Variants in MSRA observed in about 807,000 individuals in gnomAD.
MSRA encodes the protein mitochondrial peptide methionine sulfoxide reductase.
Under a neutral mutation model 31.3 loss-of-function variants are expected in MSRA, and 54 were observed. That is an observed-to-expected ratio of 1.73 (90% CI 1.39 to 2.17). MSRA has a LOEUF of 2.17. MSRA is among the 30% of genes most tolerant of loss of function. The pLI, the probability that MSRA is intolerant of heterozygous loss-of-function variation, is 0.00. For missense variants in MSRA, 507 were observed against 300.9 expected (o/e 1.69, Z -5.07); for synonymous variants, 169 against 116.5 (o/e 1.45, Z -2.90).
intron 5 of MSRA, among the ~76,000 whole-genome samples, chr8:10,415,976 C>A (rs1161145858): frequency 1.3e-5 from 2 of 152,074 alleles, no homozygotes; most frequent in African/African-American, 4.8e-5. Context: ...ATTCACAGTC[C>A]CGTGTGTCCT....
intron 2 of MSRA, 101 bp from the exon 3 acceptor site, chr8:10,245,002 CA>C: frequency 9.4e-7 from 1 of 1,065,062 alleles, no homozygotes; most frequent in Non-Finnish European, 1.3e-6. Context: ...ATGACAGGAG[CA>C]ACTTTTTTTT....
intron 3 of MSRA, among the ~76,000 whole-genome samples, chr8:10,266,981 A>G (rs1310359734): frequency 6.6e-6 from 1 of 152,218 alleles, no homozygotes; most frequent in African/African-American, 2.4e-5. Context: ...ATTAAGGGCA[A>G]TCAGTGTTTT....
At chr8:10,384,084 G>C (rs1237358099) in intron 5 of MSRA, among the ~76,000 whole-genome samples, 3 of 152,244 alleles carry the variant, frequency 2.0e-5, no homozygotes, top group East Asian at 1.9e-4. Flanking sequence ...GTGACATTTA[G>C]CTGCCAGTTT....
At chr8:10,279,361 C>T (rs1799495156) in intron 3 of MSRA, among the ~76,000 whole-genome samples, 1 of 152,154 alleles carries the variant, frequency 6.6e-6, no homozygotes, top group Non-Finnish European at 1.5e-5. Context: ...AACACATTCT[C>T]AGAGTTTTAA....
At chr8:10,063,463 C>T (rs866281024) in intron 1 of MSRA, among the ~76,000 whole-genome samples, 1 of 152,184 alleles carries the variant, frequency 6.6e-6, no homozygotes, top group Non-Finnish European at 1.5e-5. Flanking sequence ...CCACTTCCAC[C>T]CCGAGGCTGG....
At chr8:10,229,777 G>C (rs1811309322) in intron 2 of MSRA, among the ~76,000 whole-genome samples, 1 of 152,212 alleles carries the variant, frequency 6.6e-6, no homozygotes, top group African/African-American at 2.4e-5. Context: ...ACGTAAGTCT[G>C]ATGGAAATAT....
intron 4 of MSRA, among the ~76,000 whole-genome samples, chr8:10,306,633 C>T (rs1301438806): frequency 1.3e-5 from 2 of 152,190 alleles, no homozygotes; most frequent in East Asian, 1.9e-4. Flanking sequence ...GGCTTCTTCT[C>T]ACAGAGTAAT....
chr8:10,401,052 G>C (rs1317737515), intron 5 of MSRA, among the ~76,000 whole-genome samples: 2 of 151,502 alleles, frequency 1.3e-5, no homozygotes, highest in Non-Finnish European at 2.9e-5. Flanking sequence ...AAAGAAATTG[G>C]ATTTCATCAA....
At chr8:10,264,678 C>G (rs1798653857) in intron 3 of MSRA, among the ~76,000 whole-genome samples, 1 of 152,158 alleles carries the variant, frequency 6.6e-6, no homozygotes, top group Non-Finnish European at 1.5e-5. Flanking sequence ...AGGAAAAGAG[C>G]AAATGGCCTT....
intron 5 of MSRA, among the ~76,000 whole-genome samples, chr8:10,349,265 G>A (rs1358200673): frequency 6.6e-6 from 1 of 152,190 alleles, no homozygotes; most frequent in Non-Finnish European, 1.5e-5. Context: ...TGTCATAGAT[G>A]CAAACCAACC....
At chr8:10,425,654 G>T (rs553938485) in intron 5 of MSRA, among the ~76,000 whole-genome samples, 38 of 152,354 alleles carry the variant, frequency 2.5e-4, no homozygotes, top group Non-Finnish European at 4.4e-4. Context: ...CCTCCAGTAC[G>T]CAGGCACAGG....
chr8:10,256,508 G>A (rs1197430444), intron 3 of MSRA, among the ~76,000 whole-genome samples: 1 of 152,204 alleles, frequency 6.6e-6, no homozygotes, highest in Non-Finnish European at 1.5e-5. Flanking sequence ...GGCCTGGGTT[G>A]AAATGAAGTT....
At chr8:10,157,608 C>T (rs1293925788) in intron 1 of MSRA, among the ~76,000 whole-genome samples, 6 of 151,910 alleles carry the variant, frequency 3.9e-5, no homozygotes, top group Non-Finnish European at 7.4e-5. Flanking sequence ...AATGAAAGTT[C>T]TCATAGGTTT....
intron 4 of MSRA, among the ~76,000 whole-genome samples, chr8:10,302,812 G>T (rs1484338435): frequency 6.6e-6 from 1 of 152,210 alleles, no homozygotes; most frequent in Admixed American, 6.5e-5. Context: ...GGGGGAATGG[G>T]TACCTGGTGG....
At chr8:10,090,085 G>A (rs180991695) in intron 1 of MSRA, among the ~76,000 whole-genome samples, 36 of 152,318 alleles carry the variant, frequency 2.4e-4, no homozygotes, top group African/African-American at 8.4e-4. Flanking sequence ...GGCTGTGTGT[G>A]CCTGCTGGGA....
At chr8:10,418,897 G>T (rs1808644149) in intron 5 of MSRA, among the ~76,000 whole-genome samples, 1 of 144,382 alleles carries the variant, frequency 6.9e-6, no homozygotes, top group Non-Finnish European at 1.5e-5. Flanking sequence ...GGTCAAAGTT[G>T]CAGTGAGCCA....
chr8:10,203,838 A>G (rs1300205270), intron 1 of MSRA, among the ~76,000 whole-genome samples: 1 of 152,216 alleles, frequency 6.6e-6, no homozygotes, highest in Non-Finnish European at 1.5e-5. Flanking sequence ...TATTGCCTCT[A>G]AAGACCTTCC....
intron 1 of MSRA, among the ~76,000 whole-genome samples, chr8:10,098,600 G>A (rs1176312694): frequency 6.6e-6 from 1 of 152,156 alleles, no homozygotes; most frequent in African/African-American, 2.4e-5. Context: ...GTACTATAAT[G>A]AGATTAATTT....
chr8:10,094,512 T>C (rs1052240125), intron 1 of MSRA, among the ~76,000 whole-genome samples: 2 of 152,228 alleles, frequency 1.3e-5, no homozygotes, highest in Non-Finnish European at 2.9e-5. Context: ...GTCACTGATT[T>C]TCATAAGTGG....
Sources: allele counts gnomAD v4.1 joint callset (sites outside exome capture counted in the v4.1 genomes callset), GRCh38; gene constraint gnomAD v4.1.1; transcripts MANE v1.5; gene names NCBI Gene and HGNC (gene_info 2026-07-23, HGNC 2026-07-21).